The following ENTHD1 variants were observed in gnomAD, a reference collection of about 807,000 sequenced individuals.
ENTHD1 encodes the protein ENTH domain-containing protein 1.
In ENTHD1, 23 loss-of-function variants were observed where a neutral mutation model predicts 39.1. The observed-to-expected ratio is 0.59, with a 90% CI of 0.42 to 0.83. The LOEUF (loss-of-function observed/expected upper bound fraction) is 0.83, where lower values mean the gene tolerates loss of function less well. Ranked by LOEUF, ENTHD1 falls within the 40% of genes least tolerant of loss-of-function variation. The pLI is 0.00. For synonymous variants in ENTHD1, 230 were observed against 258.2 expected, an observed-to-expected ratio of 0.89 and a Z score of 1.05; for missense variants, 624 against 705.4, an observed-to-expected ratio of 0.88 and a Z score of 1.31.
At chr22:39,792,747 A>C (rs540810733) in intron 5 of ENTHD1, among the ~76,000 whole-genome samples, 59 of 152,226 alleles carry the variant, frequency 3.9e-4, no homozygotes, top group African/African-American at 1.4e-3. Flanking sequence ...GGCAAGAAGA[A>C]CCCATTGGGT....
intron 4 of ENTHD1, among the ~76,000 whole-genome samples, chr22:39,827,506 G>A (rs896262454): frequency 2.0e-5 from 3 of 151,836 alleles, no homozygotes; most frequent in Non-Finnish European, 4.4e-5. Flanking sequence ...ACAAAGATGA[G>A]AAACCAAAAA....
At chr22:39,764,684 C>T (rs1263747825) in intron 6 of ENTHD1, among the ~76,000 whole-genome samples, 1 of 150,968 alleles carries the variant, frequency 6.6e-6, no homozygotes, top group Non-Finnish European at 1.5e-5. Context: ...CCTTTATTAC[C>T]CAGTCTAAAC....
intron 5 of ENTHD1, among the ~76,000 whole-genome samples, chr22:39,781,405 C>T (rs1453309851): frequency 2.0e-5 from 3 of 152,016 alleles, no homozygotes; most frequent in Non-Finnish European, 4.4e-5. Flanking sequence ...TGCTCCGGAA[C>T]AACCAATGGG....
intron 2 of ENTHD1, among the ~76,000 whole-genome samples, chr22:39,881,955 T>C (rs2066342151): frequency 6.6e-6 from 1 of 152,170 alleles, no homozygotes; most frequent in Non-Finnish European, 1.5e-5. Flanking sequence ...TGTCTTCATC[T>C]CTCTTGATAA....
chr22:39,748,445 G>A (rs1480228880), intron 6 of ENTHD1, among the ~76,000 whole-genome samples: 1 of 150,338 alleles, frequency 6.7e-6, no homozygotes, highest in Non-Finnish European at 1.5e-5. Context: ...TTTTTGAGAC[G>A]GAGTCTCGCT....
chr22:39,816,678 A>T (rs190572792), intron 5 of ENTHD1, among the ~76,000 whole-genome samples: 88 of 152,324 alleles, frequency 5.8e-4, no homozygotes, highest in African/African-American at 2.1e-3. Flanking sequence ...TGGATTACAG[A>T]ATAATTAAAA....
At chr22:39,879,657 A>G (rs2066321023) in intron 2 of ENTHD1, among the ~76,000 whole-genome samples, 1 of 151,924 alleles carries the variant, frequency 6.6e-6, no homozygotes, top group Non-Finnish European at 1.5e-5. Context: ...AGCATCAGGA[A>G]CTCTCATTAT....
intron 5 of ENTHD1, among the ~76,000 whole-genome samples, chr22:39,770,626 ATAAC>A (rs1274372183): frequency 6.6e-6 from 1 of 152,202 alleles, no homozygotes; most frequent in Non-Finnish European, 1.5e-5. Context: ...ACACATAAAA[ATAAC>A]TAATAATATA....
chr22:39,799,229 C>G (rs947262670), intron 5 of ENTHD1, among the ~76,000 whole-genome samples: 1 of 152,158 alleles, frequency 6.6e-6, no homozygotes, highest in African/African-American at 2.4e-5. Flanking sequence ...TCGGCCCTAC[C>G]GCAATTGCGG....
At chr22:39,886,095 T>C (rs74777337) in intron 2 of ENTHD1, among the ~76,000 whole-genome samples, 2,645 of 151,942 alleles carry the variant, frequency 0.017, 59 homozygotes, top group African/African-American at 0.06. Context: ...AAAAATAAAC[T>C]CTCAAGCTAT....
At chr22:39,844,403 A>C (rs1224634325) in intron 3 of ENTHD1, among the ~76,000 whole-genome samples, 2 of 152,142 alleles carry the variant, frequency 1.3e-5, no homozygotes, top group Non-Finnish European at 2.9e-5. Context: ...AATAATGAGA[A>C]ACAGGGAAAT....
At chr22:39,856,274 C>CAAAAA (rs34598525) in intron 3 of ENTHD1, among the ~76,000 whole-genome samples, 9 of 50,710 alleles carry the variant, frequency 1.8e-4, no homozygotes, top group Admixed American at 3.9e-4. Context: ...AACTTCATCT[C>CAAAAA]AAAAAAAAAA....
At chr22:39,883,419 T>C (rs144676049) in intron 2 of ENTHD1, among the ~76,000 whole-genome samples, 3 of 152,220 alleles carry the variant, frequency 2.0e-5, no homozygotes, top group African/African-American at 7.2e-5. Context: ...TCTTTCATGA[T>C]AAAAACACTC....
intron 5 of ENTHD1, among the ~76,000 whole-genome samples, chr22:39,793,079 A>T (rs919592885): frequency 1.3e-5 from 2 of 152,152 alleles, no homozygotes; most frequent in Non-Finnish European, 2.9e-5. Context: ...CTTTCTCTGC[A>T]TCCTCGCCAG....
intron 3 of ENTHD1, among the ~76,000 whole-genome samples, chr22:39,855,589 TAA>T (rs111260316): frequency 5.1e-5 from 7 of 136,368 alleles, no homozygotes; most frequent in Non-Finnish European, 9.6e-5. Flanking sequence ...TGTGACTTGT[TAA>T]AAAAAAAAAA....
intron 5 of ENTHD1, among the ~76,000 whole-genome samples, chr22:39,781,909 G>A (rs2065413244): frequency 6.6e-6 from 1 of 152,094 alleles, no homozygotes; most frequent in Non-Finnish European, 1.5e-5. Flanking sequence ...GCAAAACCCA[G>A]AAGAAATGGA....
chr22:39,886,382 CTAATG>C (rs1205991923), intron 2 of ENTHD1, among the ~76,000 whole-genome samples: 3 of 152,096 alleles, frequency 2.0e-5, no homozygotes, highest in African/African-American at 7.2e-5. Context: ...AGAGTGACTC[CTAATG>C]TAAGATATGA....
At chr22:39,745,865 G>C (rs1302339820) in intron 6 of ENTHD1, among the ~76,000 whole-genome samples, 1 of 152,118 alleles carries the variant, frequency 6.6e-6, no homozygotes, top group South Asian at 2.1e-4. Flanking sequence ...CTGTCTTCTT[G>C]TTTCTAGTAT....
chr22:39,772,938 G>A (rs1473431062), intron 5 of ENTHD1, among the ~76,000 whole-genome samples: 1 of 151,808 alleles, frequency 6.6e-6, no homozygotes, highest in Non-Finnish European at 1.5e-5. Flanking sequence ...AAACATAAAT[G>A]TATATATGCC....
Sources: gnomAD v4.1 joint callset for allele counts (sites outside exome capture counted in the v4.1 genomes callset) on GRCh38, gnomAD v4.1.1 for gene constraint, MANE v1.5 for transcripts, NCBI Gene and HGNC (gene_info 2026-07-23, HGNC 2026-07-21) for gene names.